PCDHGB4: variants seen among roughly 807,000 people sequenced by gnomAD.
PCDHGB4 encodes the protein protocadherin gamma-B4.
Under a neutral mutation model 60.5 loss-of-function variants are expected in PCDHGB4, and 38 were observed. The ratio of observed to expected loss-of-function variants is 0.63; its 90% CI spans 0.48 to 0.82. The LOEUF is 0.82. Ranked by LOEUF, PCDHGB4 falls within the 40% of genes least tolerant of loss-of-function variation. The pLI is 0.00. For missense variants in PCDHGB4, 1,109 were observed against 1,209.6 expected, an observed-to-expected ratio of 0.92 and a Z score of 1.23; for synonymous variants, 456 against 509.7, an observed-to-expected ratio of 0.89 and a Z score of 1.42.
intron 3 of PCDHGB4, among the ~76,000 whole-genome samples, chr5:141,508,658 A>G (rs1420910010): frequency 2.0e-5 from 3 of 152,086 alleles, no homozygotes; most frequent in African/African-American, 4.8e-5. Flanking sequence ...CCTTCCTGTC[A>G]TTCTGTCTCT....
chr5:141,421,960 CA>C, intron 1 of PCDHGB4: 1 of 1,612,526 alleles, frequency 6.2e-7, no homozygotes, highest in Admixed American at 1.7e-5. Flanking sequence ...AATGTTTACA[CA>C]GTCCGTATAT....
intron 2 of PCDHGB4, among the ~76,000 whole-genome samples, chr5:141,504,178 A>C (rs572543892): frequency 4.5e-4 from 69 of 152,366 alleles, no homozygotes; most frequent in Non-Finnish European, 7.6e-4. Context: ...AAATTCAAAA[A>C]AATCATGAAA....
At position 141,431,365 on chromosome 5, in the gene PCDHGB4, C is replaced by T. The variant is rs2097365932; in HGVS notation, c.2397+41084C>T. ...TGGTGCTGAAACGCGCCCTGGACCG[C>T]GAAGAAAAGGCTGCTCACCACCTGG... On this transcript the variant is annotated intron_variant, in intron 1 of 3. Coordinates refer to ENST00000519479, the MANE Select transcript of PCDHGB4 (RefSeq NM_003736.4). The surrounding 1 kb of genome is among the most constrained non-coding windows in gnomAD (Gnocchi z 4.8). 6 of 1,613,980 alleles carry T rather than the reference C, an allele frequency of 3.7e-6. No homozygotes were observed. Among genetic ancestry groups the T allele is most frequent in the Non-Finnish European group, 5.1e-6 (6 of 1,180,028 alleles).
chr5:141,416,728 T>C (rs2096057160), intron 1 of PCDHGB4: 1 of 152,232 alleles, frequency 6.6e-6, no homozygotes, highest in Non-Finnish European at 1.5e-5. Context: ...GTTCATTTAG[T>C]TCAATGAAAA....
intron 1 of PCDHGB4, among the ~76,000 whole-genome samples, chr5:141,443,514 C>T (rs1386662758): frequency 6.6e-6 from 1 of 152,056 alleles, no homozygotes; most frequent in Non-Finnish European, 1.5e-5. Flanking sequence ...AAGAGCTTCT[C>T]TCCTTATGAC....
Position 141,485,298 on chromosome 5 carries a change from G to A in PCDHGB4, c.2398-9509G>A, listed in dbSNP as rs1562104502. 1 of 1,613,978 alleles carries A rather than the reference G, an allele frequency of 6.2e-7. No individual in the cohort carries two copies. On this transcript the variant is annotated intron_variant, in intron 1 of 3. Coordinates refer to ENST00000519479, the MANE Select transcript of PCDHGB4 (RefSeq NM_003736.4). This position sits in a 1 kb window ranked among gnomAD's most constrained non-coding sequence, Gnocchi z 5.7. ...CCGGTCCCAGAGGAGTCACAGGAAG[G>A]GACTTTTGTAGGGAATGTCGCTCAA...
At chr5:141,412,938 T>C (rs2095590973) in intron 1 of PCDHGB4, 3 of 461,786 alleles carry the variant, frequency 6.5e-6, no homozygotes, top group Admixed American at 7.7e-5. Context: ...TTCTTAGGAC[T>C]CTGAGCGCCG....
At chr5:141,395,095 C>G in intron 1 of PCDHGB4, 1 of 1,614,174 alleles carries the variant, frequency 6.2e-7, no homozygotes, top group Non-Finnish European at 8.5e-7. Flanking sequence ...TCCCTCACCG[C>G]CGACTCGCGG....
At chr5:141,398,555 G>A in intron 1 of PCDHGB4, 1 of 1,613,934 alleles carries the variant, frequency 6.2e-7, no homozygotes, top group Non-Finnish European at 8.5e-7. Context: ...CTGCAAATAA[G>A]TGAGTCTGCA....
intron 1 of PCDHGB4, chr5:141,390,939 A>G (rs572047279): frequency 6.6e-6 from 1 of 152,412 alleles, no homozygotes; most frequent in Admixed American, 6.5e-5. Context: ...TTAGAAGATC[A>G]AAAGCAGATT....
chr5:141,413,089 C>CTT, intron 1 of PCDHGB4: 1 of 1,401,124 alleles, frequency 7.1e-7, no homozygotes, highest in South Asian at 1.4e-5. Flanking sequence ...TACAGAGACA[C>CTT]CCTGAAGCCA....
At position 141,432,660 on chromosome 5, in the gene PCDHGB4, A is replaced by G; in HGVS notation, c.2397+42379A>G. The G allele has an allele frequency of 6.2e-7, 1 of 1,613,768 alleles. No individual in the cohort carries two copies. Among genetic ancestry groups the G allele is most frequent in the African/African-American group, 1.3e-5 (1 of 75,026 alleles). ...GTGCGCACGGCGCGAGCCCTGCTGG[A>G]CAGAGACGCGCTCAAGCAGAGCCTC... On this transcript the variant is annotated intron_variant, in intron 1 of 3. Coordinates refer to ENST00000519479, the MANE Select transcript of PCDHGB4 (RefSeq NM_003736.4). The surrounding 1 kb of genome is among the most constrained non-coding windows in gnomAD (Gnocchi z 6.0).
chr5:141,389,160 G>C lies in PCDHGB4; in HGVS notation c.1276G>C (p.Gly426Arg). ...YNITVTATDRGKPPLSSSSSI... is the reference protein window; with the variant it reads ...YNITVTATDRRKPPLSSSSSI... ...TATAACCGTTACGGCAACAGATCGGGGCAAGCCTCCCCTCTCCTCCAGTTC... is the reference window on the plus strand; with the variant it reads ...TATAACCGTTACGGCAACAGATCGGCGCAAGCCTCCCCTCTCCTCCAGTTC... The change falls in exon 1 of 4, where the codon GGC (glycine) becomes CGC (arginine). Residue 426 changes from glycine to arginine, a missense_variant. Physicochemically the swap from Gly to Arg is moderately radical, Grantham distance 125. This residue lies in a region of PCDHGB4 where 1,068 missense variants were observed against 1,089.9 expected (regional missense o/e 0.98). Coordinates refer to ENST00000519479, the MANE Select transcript of PCDHGB4 (RefSeq NM_003736.4). 2.5e-6 allele frequency: 4 copies of C among 1,613,996 alleles called. No individual in the cohort carries two copies. The highest frequency in any genetic ancestry group is 3.4e-6 in the Non-Finnish European group (4 of 1,179,876).
intron 1 of PCDHGB4, among the ~76,000 whole-genome samples, chr5:141,439,495 C>A (rs142329128): frequency 6.6e-6 from 1 of 152,206 alleles, no homozygotes; most frequent in Non-Finnish European, 1.5e-5. Context: ...CAGTGAGAAA[C>A]GTCTTTCTCT....
At chr5:141,409,973 G>A in intron 1 of PCDHGB4, 1 of 1,613,380 alleles carries the variant, frequency 6.2e-7, no homozygotes, top group Non-Finnish European at 8.5e-7. Context: ...AGTGACTAAG[G>A]TGGTAGCGGT....
chr5:141,419,137 C>G, intron 1 of PCDHGB4: 2 of 1,613,892 alleles, frequency 1.2e-6, no homozygotes, highest in Non-Finnish European at 1.7e-6. Context: ...CAGCCACAGA[C>G]AGGGGCAAGC....
chr5:141,390,500 C>G (rs2092162714), intron 1 of PCDHGB4: 3 of 614,492 alleles, frequency 4.9e-6, no homozygotes, highest in Non-Finnish European at 8.3e-6. Context: ...TTTAGCCAAG[C>G]TTAGATTTAT....
intron 1 of PCDHGB4, among the ~76,000 whole-genome samples, chr5:141,456,911 C>T (rs1262649726): frequency 2.0e-5 from 3 of 151,928 alleles, no homozygotes; most frequent in Non-Finnish European, 4.4e-5. Flanking sequence ...TGCAGTGAGC[C>T]GAGATCGCAC....
chr5:141,403,204 G>A, intron 1 of PCDHGB4: 4 of 1,613,952 alleles, frequency 2.5e-6, no homozygotes, highest in Non-Finnish European at 3.4e-6. Flanking sequence ...GCGGCACCTT[G>A]GTCACCGCGG....
Sources: allele counts gnomAD v4.1 joint callset (sites outside exome capture counted in the v4.1 genomes callset), GRCh38; gene constraint gnomAD v4.1.1; regional missense constraint gnomAD v4.1.1; non-coding constraint Gnocchi (gnomAD v3.1); transcripts MANE v1.5; gene names NCBI Gene and HGNC (gene_info 2026-07-23, HGNC 2026-07-21).